The following NTRK2 variants were observed in gnomAD, a reference collection of about 807,000 sequenced individuals.
The protein encoded by NTRK2 is neurotrophic receptor tyrosine kinase 2, also known as BDNF/NT-3 growth factors receptor.
A neutral mutation model predicts 94.5 loss-of-function variants in NTRK2; 13 were observed. That is an observed-to-expected ratio of 0.14 (90% CI 0.09 to 0.22). NTRK2 has a LOEUF of 0.22. NTRK2 is among the 10% of genes least tolerant of loss of function. NTRK2 has a pLI of 1.00. For synonymous variants in NTRK2, 372 were observed against 407.4 expected (o/e 0.91, Z 1.05); for missense variants, 639 against 1,071.2 (o/e 0.60, Z 5.63).
intron 14 of NTRK2, among the ~76,000 whole-genome samples, chr9:84,878,345 G>C (rs2076147628): frequency 6.6e-6 from 1 of 152,116 alleles, no homozygotes; most frequent in South Asian, 2.1e-4. Flanking sequence ...TTAAAATTCT[G>C]ATATTTTTGG....
chr9:84,878,039 C>A, intron 14 of NTRK2: 1 of 682,842 alleles, frequency 1.5e-6, no homozygotes, highest in Non-Finnish European at 1.8e-6. Flanking sequence ...CAGTTGCCCC[C>A]ACATAGCCTC....
intron 12 of NTRK2, among the ~76,000 whole-genome samples, chr9:84,852,605 A>C (rs2131897167): frequency 6.6e-6 from 1 of 152,306 alleles, no homozygotes; most frequent in South Asian, 2.1e-4. Context: ...GAAGATTGTG[A>C]CCACCTCTGT....
chr9:84,789,834 C>G (rs1397754935), intron 12 of NTRK2, among the ~76,000 whole-genome samples: 1 of 152,130 alleles, frequency 6.6e-6, no homozygotes, highest in Non-Finnish European at 1.5e-5. Flanking sequence ...ATTTCCTGCT[C>G]TTTTCTCAGA....
intron 14 of NTRK2, among the ~76,000 whole-genome samples, chr9:84,918,437 G>A (rs369641089): frequency 5.9e-5 from 9 of 152,210 alleles, no homozygotes; most frequent in African/African-American, 1.9e-4. Flanking sequence ...CACACCTTCT[G>A]ACATTAGATG....
chr9:84,775,777 A>G (rs1487919924), intron 12 of NTRK2, among the ~76,000 whole-genome samples: 1 of 152,186 alleles, frequency 6.6e-6, no homozygotes, highest in African/African-American at 2.4e-5. Flanking sequence ...TGCTCTCAAA[A>G]TGTGGTCCTT....
chr9:84,750,981 C>T (rs2064547357), intron 11 of NTRK2, among the ~76,000 whole-genome samples: 1 of 152,188 alleles, frequency 6.6e-6, no homozygotes, highest in Admixed American at 6.5e-5. Context: ...ACCCTCTTGA[C>T]TTGTGTAATC....
chr9:85,015,765 G>T (rs1392724676), intron 17 of NTRK2, among the ~76,000 whole-genome samples: 1 of 152,192 alleles, frequency 6.6e-6, no homozygotes, highest in Admixed American at 6.5e-5. Flanking sequence ...TCATAAAGGA[G>T]ACCTTTGGGA....
chr9:84,861,784 A>G (rs898754899), intron 13 of NTRK2, among the ~76,000 whole-genome samples: 6 of 152,128 alleles, frequency 3.9e-5, no homozygotes, highest in African/African-American at 1.4e-4. Context: ...GCATTCTTAC[A>G]TCTTTCATGT....
intron 6 of NTRK2, among the ~76,000 whole-genome samples, chr9:84,715,462 G>A (rs1204549262): frequency 6.6e-6 from 1 of 152,094 alleles, no homozygotes; most frequent in Non-Finnish European, 1.5e-5. Context: ...TTTTCTAACA[G>A]TCCCCTCCTG....
At chr9:84,670,081 C>G (rs2058605605) in intron 1 of NTRK2, among the ~76,000 whole-genome samples, 193 bp downstream of exon 1, 1 of 152,060 alleles carries the variant, frequency 6.6e-6, no homozygotes, top group African/African-American at 2.4e-5. Flanking sequence ...TCTCCGCATT[C>G]CCCTTTAAAG....
At chr9:84,933,989 G>A (rs556985345) in intron 14 of NTRK2, among the ~76,000 whole-genome samples, 173 bp from the exon 15 acceptor site, 24 of 151,942 alleles carry the variant, frequency 1.6e-4, no homozygotes, top group Non-Finnish European at 3.2e-4. Flanking sequence ...TGAAACCTCC[G>A]CCCAGCCATT....
At chr9:84,916,153 A>G (rs2077387304) in intron 14 of NTRK2, among the ~76,000 whole-genome samples, 1 of 151,874 alleles carries the variant, frequency 6.6e-6, no homozygotes, top group African/African-American at 2.4e-5. Context: ...GGATCATAGC[A>G]ACAGAAGTAG....
chr9:85,002,461 C>A (rs982113839), intron 17 of NTRK2, among the ~76,000 whole-genome samples: 1 of 152,190 alleles, frequency 6.6e-6, no homozygotes, highest in East Asian at 1.9e-4. Context: ...TTGGGTTCCT[C>A]TTCTGCTGAA....
intron 12 of NTRK2, among the ~76,000 whole-genome samples, chr9:84,782,770 G>C (rs1025082069): frequency 6.6e-6 from 1 of 152,080 alleles, no homozygotes; most frequent in East Asian, 1.9e-4. Context: ...GGAGTATAAC[G>C]GTTCAGGCTG....
chr9:84,781,892 T>A (rs141334654), intron 12 of NTRK2, among the ~76,000 whole-genome samples: 149 of 152,308 alleles, frequency 9.8e-4, no homozygotes, highest in Admixed American at 2.6e-3. Context: ...TGGGAATCTC[T>A]TAGCTAGTAA....
intron 17 of NTRK2, among the ~76,000 whole-genome samples, chr9:84,958,942 G>A (rs35595898): frequency 0.11 from 17,216 of 152,048 alleles, 1,026 homozygotes; most frequent in South Asian, 0.15. Flanking sequence ...GAACTCCAGT[G>A]CCTCCTGCGG....
At chr9:84,862,420 A>G (rs904565497) in intron 13 of NTRK2, among the ~76,000 whole-genome samples, 1 of 152,170 alleles carries the variant, frequency 6.6e-6, no homozygotes, top group African/African-American at 2.4e-5. Context: ...TGCTTCTGCT[A>G]AATAGCAAGT....
chr9:84,726,191 T>C (rs1047512086), intron 8 of NTRK2, among the ~76,000 whole-genome samples: 3 of 152,156 alleles, frequency 2.0e-5, no homozygotes, highest in African/African-American at 7.2e-5. Context: ...AAATTATAAA[T>C]AATATTAACA....
intron 17 of NTRK2, among the ~76,000 whole-genome samples, chr9:84,986,745 G>A (rs1194630943): frequency 6.6e-6 from 1 of 152,236 alleles, no homozygotes; most frequent in African/African-American, 2.4e-5. Context: ...GGACAAGAAA[G>A]GTCTAGAGAG....
Sources: gnomAD v4.1 joint callset for allele counts (sites outside exome capture counted in the v4.1 genomes callset) on GRCh38, gnomAD v4.1.1 for gene constraint, MANE v1.5 for transcripts, NCBI Gene and HGNC (gene_info 2026-07-23, HGNC 2026-07-21) for gene names.